Variants in TYW5 observed in about 807,000 individuals in gnomAD.
TYW5 encodes tRNA-yW synthesizing protein 5, also known as tRNA wybutosine-synthesizing protein 5.
Under a neutral mutation model 44.4 loss-of-function variants are expected in TYW5, and 36 were observed. The ratio of observed to expected loss-of-function variants is 0.81; its 90% CI spans 0.62 to 1.07. TYW5 has a LOEUF of 1.07. Ranked by LOEUF, TYW5 falls within the 50% of genes least tolerant of loss-of-function variation. TYW5 has a pLI of 0.00. For missense variants in TYW5, 354 were observed against 365.7 expected (o/e 0.97, Z 0.26); for synonymous variants, 121 against 128.1 (o/e 0.94, Z 0.37).
intron 7 of TYW5, among the ~76,000 whole-genome samples, chr2:199,934,806 T>G (rs2077406449): frequency 6.6e-6 from 1 of 152,112 alleles, no homozygotes; most frequent in African/African-American, 2.4e-5. Flanking sequence ...TTTTAAGTAT[T>G]AATTACAGAT....
At chr2:199,940,607 T>G (rs1282632092) in intron 3 of TYW5, among the ~76,000 whole-genome samples, 1 of 149,740 alleles carries the variant, frequency 6.7e-6, no homozygotes, top group Admixed American at 6.6e-5. Context: ...CAAGACCTTT[T>G]CAAAAAAGAA....
intron 5 of TYW5, 34 bp downstream of exon 5, chr2:199,938,899 T>G (rs773456503): frequency 6.4e-7 from 1 of 1,565,058 alleles, no homozygotes; most frequent in Non-Finnish European, 8.6e-7. Context: ...TAAAGATCTA[T>G]TGTAGCTTTA....
Position 199,929,171 on chromosome 2 carries a change from G to C in TYW5, c.*3896C>G, listed in dbSNP as rs1007290408. 6.9e-6 allele frequency among the ~76,000 whole-genome samples: 1 copy of C among 144,390 alleles called. No homozygotes were observed. The highest frequency in any genetic ancestry group is 2.6e-5 in the African/African-American group (1 of 38,950). The allele number at this position is 144,390 out of a possible 152,430, so 94.7% of individuals were successfully genotyped here. On this transcript the variant is annotated 3_prime_UTR_variant, in exon 8 of 8. Transcript: ENST00000354611. ...TTAGTATTCTGTTTAATGGAACTTA[G>C]AAAGAGACTACATCGTGGGGTTGGG... is the stretch of plus-strand genomic sequence containing the variant.
chr2:199,947,909 T>G (rs2077514705), intron 2 of TYW5: 1 of 170,056 alleles, frequency 5.9e-6, no homozygotes, highest in Admixed American at 6.0e-5. Flanking sequence ...CCGGCCAACA[T>G]GGTGAAACCC....
rs1264363488 is a variant in TYW5, at chr2:199,940,151, A to AAAAT, written c.304-22_304-19dup. Reference sequence around the variant, plus strand: ...TTCTCATCCTTAAACACCCCAGAGAAAAATAACATCAGCAATATTTTACTT... The same window carrying AAAAT: ...TTCTCATCCTTAAACACCCCAGAGAAAAATAAATAACATCAGCAATATTTTACTT... On this transcript the variant is annotated intron_variant, in intron 3 of 7. Coordinates refer to ENST00000354611, the MANE Select transcript of TYW5 (RefSeq NM_001039693.3). The AAAAT allele has an allele frequency of 6.2e-7, 1 of 1,610,600 alleles. No individual in the cohort carries two copies. Among genetic ancestry groups the AAAAT allele is most frequent in the Non-Finnish European group, 8.5e-7 (1 of 1,178,146 alleles).
chr2:199,934,814 GA>G (rs1322614470), intron 7 of TYW5, among the ~76,000 whole-genome samples: 1 of 151,882 alleles, frequency 6.6e-6, no homozygotes, highest in African/African-American at 2.4e-5. Flanking sequence ...ATTAATTACA[GA>G]TGTTAATTAC....
At chr2:199,943,999 C>G in intron 2 of TYW5, 165 bp from the exon 3 acceptor site, 1 of 524,512 alleles carries the variant, frequency 1.9e-6, no homozygotes, top group Non-Finnish European at 3.3e-6. Flanking sequence ...CTTTTCAAAA[C>G]TTATTGAGCA....
chr2:199,949,731 G>A (rs1441410681), intron 1 of TYW5, among the ~76,000 whole-genome samples: 2 of 152,166 alleles, frequency 1.3e-5, no homozygotes, highest in Non-Finnish European at 2.9e-5. Context: ...GCCACATCAG[G>A]TAGCACACGA....
At chr2:199,953,000 C>T (rs2077558083) in intron 1 of TYW5, among the ~76,000 whole-genome samples, 1 of 152,134 alleles carries the variant, frequency 6.6e-6, no homozygotes, top group East Asian at 1.9e-4. Context: ...ATAGTATACC[C>T]TAATATAAAC....
At chr2:199,951,595 T>C (rs1251621382) in intron 1 of TYW5, among the ~76,000 whole-genome samples, 1 of 152,198 alleles carries the variant, frequency 6.6e-6, no homozygotes, top group South Asian at 2.1e-4. Flanking sequence ...ATCTCATTAA[T>C]TTTTGGCTTA....
intron 5 of TYW5, 89 bp downstream of exon 5, chr2:199,938,844 G>T (rs2077441634): frequency 7.5e-7 from 1 of 1,340,144 alleles, no homozygotes; most frequent in African/African-American, 1.5e-5. Context: ...GATGTTTAGG[G>T]TAACCTATAG....
intron 1 of TYW5, among the ~76,000 whole-genome samples, chr2:199,952,276 A>G (rs1486198588): frequency 1.3e-5 from 2 of 152,234 alleles, no homozygotes; most frequent in African/African-American, 4.8e-5. Context: ...TAAAGTGAAC[A>G]TAGTTAGATA....
In TYW5 at chr2:199,933,069, A is replaced by C. The variant is rs780210336; in HGVS notation, c.946T>G (p.Ter316GluextTer4). ...QDKAYSKNSE[*>E] The stretch of plus-strand genomic sequence containing the variant: ...GTGCATTGCATTCACTTCATTATTT[A>C]CTCAGAGTTCTTGCTGTAGGCTTTG... Residue 316 changes from the stop codon to glutamate, a stop_lost, in exon 8 of 8, where the codon TAA (stop) becomes GAA (glutamate). Coordinates refer to ENST00000354611, the MANE Select transcript of TYW5 (RefSeq NM_001039693.3). 1 of 1,613,468 alleles carries C rather than the reference A, an allele frequency of 6.2e-7. No individual in the cohort carries two copies. The highest frequency in any genetic ancestry group is 1.7e-5 in the Admixed American group (1 of 59,942).
chr2:199,935,719 AACACACACACACACACACAC>A (rs142361195), intron 7 of TYW5, among the ~76,000 whole-genome samples, 192 bp downstream of exon 7: 6 of 138,104 alleles, frequency 4.3e-5, no homozygotes, highest in African/African-American at 5.3e-5. Context: ...GCCTGCTTTA[AACACACACACACACACACAC>A]ACACACACAC....
chr2:199,939,752 A>G (rs980014671), intron 4 of TYW5, among the ~76,000 whole-genome samples: 2 of 152,238 alleles, frequency 1.3e-5, no homozygotes, highest in African/African-American at 4.8e-5. Context: ...ACATGTCAAA[A>G]CTTATACAAT....
At chr2:199,935,850 A>G in intron 7 of TYW5, 81 bp downstream of exon 7, 1 of 307,974 alleles carries the variant, frequency 3.2e-6, no homozygotes, top group Non-Finnish European at 5.5e-6. Flanking sequence ...TATTTGTACT[A>G]AAAAAAAAAA....
At chr2:199,949,977 T>C (rs1027319511) in intron 1 of TYW5, among the ~76,000 whole-genome samples, 10 of 152,148 alleles carry the variant, frequency 6.6e-5, no homozygotes, top group African/African-American at 2.2e-4. Flanking sequence ...ACTGGGGCAC[T>C]TCCTTACATT....
At chr2:199,934,446 A>G (rs1053845116) in intron 7 of TYW5, among the ~76,000 whole-genome samples, 2 of 152,050 alleles carry the variant, frequency 1.3e-5, no homozygotes, top group Non-Finnish European at 2.9e-5. Flanking sequence ...GTAAATTTAA[A>G]AGATGGCAAT....
At chr2:199,933,789 T>C (rs2077398786) in intron 7 of TYW5, among the ~76,000 whole-genome samples, 1 of 152,208 alleles carries the variant, frequency 6.6e-6, no homozygotes, top group Admixed American at 6.5e-5. Context: ...AGCTGCGATT[T>C]GGTTTTCTAA....
Sources: allele counts gnomAD v4.1 joint callset (sites outside exome capture counted in the v4.1 genomes callset), GRCh38; gene constraint gnomAD v4.1.1; transcripts MANE v1.5; gene names NCBI Gene and HGNC (gene_info 2026-07-23, HGNC 2026-07-21).